Variants in UPF2 observed in about 807,000 individuals in gnomAD.
UPF2 encodes regulator of nonsense transcripts 2.
Under a neutral mutation model 141.4 loss-of-function variants are expected in UPF2, and 17 were observed. That is an observed-to-expected ratio of 0.12 (90% CI 0.08 to 0.18). UPF2 has a LOEUF of 0.18. UPF2 is among the 10% of genes least tolerant of loss of function. The probability of loss-of-function intolerance (pLI) is 1.00; values close to 1 mark genes in which losing one functional copy is unlikely to be tolerated. For synonymous variants in UPF2, 540 were observed against 498.0 expected (o/e 1.08, Z -1.12); for missense variants, 1,152 against 1,515.9 (o/e 0.76, Z 3.99).
chr10:11,957,227 G>A (rs1181307214), intron 12 of UPF2, among the ~76,000 whole-genome samples: 5 of 151,922 alleles, frequency 3.3e-5, no homozygotes, highest in African/African-American at 7.2e-5. Context: ...TCAGGAGTTC[G>A]AGACTAGCCT....
chr10:11,934,810 G>T (rs1222053773), intron 19 of UPF2, among the ~76,000 whole-genome samples: 1 of 152,090 alleles, frequency 6.6e-6, no homozygotes, highest in East Asian at 1.9e-4. Flanking sequence ...GGCTGGTCTT[G>T]AATCCCTGAC....
At chr10:11,984,885 G>A (rs1267360791) in intron 8 of UPF2, among the ~76,000 whole-genome samples, 1 of 152,120 alleles carries the variant, frequency 6.6e-6, no homozygotes, top group African/African-American at 2.4e-5. Context: ...GCTAATTTTT[G>A]TATTTTTAGT....
At chr10:12,021,799 T>C (rs1026429655) in intron 3 of UPF2, among the ~76,000 whole-genome samples, 4 of 152,206 alleles carry the variant, frequency 2.6e-5, no homozygotes, top group African/African-American at 9.6e-5. Context: ...CTGGGTTTTA[T>C]ATCTCCTCCA....
At position 11,935,773 on chromosome 10, in the gene UPF2, T is replaced by C. The variant is rs1156953242; in HGVS notation, c.3546+772A>G. Among the ~76,000 whole-genome samples the C allele has an allele frequency of 6.6e-6, 1 of 152,162 alleles. No homozygotes were observed. The highest frequency in any genetic ancestry group is 1.5e-5 in the Non-Finnish European group (1 of 68,030). ...TGTAGCCTCAGGACCTGAAATAGAA[T>C]AGTACCTGGCACGTAGTGATGCTCA... is the stretch of plus-strand genomic sequence containing the variant. On this transcript the variant is annotated intron_variant, in intron 19 of 21. Transcript: ENST00000357604. The surrounding 1 kb of genome is among the most constrained non-coding windows in gnomAD (Gnocchi z 4.9).
chr10:11,989,603 G>T (rs1176566658), intron 8 of UPF2, among the ~76,000 whole-genome samples: 2 of 152,150 alleles, frequency 1.3e-5, no homozygotes, highest in Non-Finnish European at 2.9e-5. Flanking sequence ...ATTAACACAA[G>T]TCTACTGACT....
At chr10:11,986,338 T>C (rs1226898347) in intron 8 of UPF2, among the ~76,000 whole-genome samples, 2 of 152,106 alleles carry the variant, frequency 1.3e-5, no homozygotes, top group Non-Finnish European at 1.5e-5. Flanking sequence ...AATCACACAT[T>C]TAAGTATCCT....
rs575461443 is a variant in UPF2, at chr10:11,922,873, CT to C, written c.3810-1567del. 4.2e-4 allele frequency among the ~76,000 whole-genome samples: 64 copies of C among 152,060 alleles called. No homozygotes were observed. In the East Asian group the frequency reaches 0.012, roughly 28 times the overall value. On this transcript the variant is annotated intron_variant, in intron 21 of 21. Coordinates refer to ENST00000357604, the MANE Select transcript of UPF2 (RefSeq NM_015542.4). ...GCAACATAGTGAGACCTCGACTCCA[CT>C]AAAAATAAAAAAAATTAGCCATTTG...
At chr10:11,924,739 G>A (rs1260521403) in intron 21 of UPF2, among the ~76,000 whole-genome samples, 1 of 152,072 alleles carries the variant, frequency 6.6e-6, no homozygotes, top group African/African-American at 2.4e-5. Flanking sequence ...ACAGGCGTGA[G>A]CCACTGCTCC....
chr10:12,001,927 G>T, intron 5 of UPF2, 102 bp from the exon 6 acceptor site: 1 of 1,068,442 alleles, frequency 9.4e-7, no homozygotes, highest in Non-Finnish European at 1.3e-6. Context: ...TCTTTTAGAA[G>T]CTGCATGTAT....
chr10:11,974,073 C>G (rs1034361378), intron 9 of UPF2, among the ~76,000 whole-genome samples: 20 of 152,206 alleles, frequency 1.3e-4, no homozygotes, highest in African/African-American at 3.1e-4. Context: ...GTGGTTTGTA[C>G]TTCTCCTTGA....
intron 18 of UPF2, among the ~76,000 whole-genome samples, chr10:11,938,865 T>TTTTTTG (rs1832894915): frequency 1.1e-5 from 1 of 87,402 alleles, no homozygotes; most frequent in African/African-American, 3.7e-5. Context: ...TTTTTTTTTT[T>TTTTTTG]TTTTTTTTTT....
chr10:12,033,602 A>G (rs1436175688), intron 2 of UPF2, among the ~76,000 whole-genome samples: 2 of 152,218 alleles, frequency 1.3e-5, no homozygotes, highest in Non-Finnish European at 2.9e-5. Context: ...GTTAAATTCT[A>G]CAAGCCTCAT....
chr10:11,926,272 C>A (rs1311198850), intron 21 of UPF2, among the ~76,000 whole-genome samples: 1 of 152,164 alleles, frequency 6.6e-6, no homozygotes, highest in Non-Finnish European at 1.5e-5. Flanking sequence ...GCACTGGAGA[C>A]CCTGGGGAAG....
At chr10:12,023,202 A>G (rs1834348325) in intron 3 of UPF2, among the ~76,000 whole-genome samples, 1 of 152,210 alleles carries the variant, frequency 6.6e-6, no homozygotes, top group Non-Finnish European at 1.5e-5. Flanking sequence ...GACCTCTATA[A>G]TATTTCAAAG....
At chr10:11,951,170 C>T (rs535540498) in intron 15 of UPF2, among the ~76,000 whole-genome samples, 3 of 152,148 alleles carry the variant, frequency 2.0e-5, no homozygotes, top group Admixed American at 6.5e-5. Flanking sequence ...TCAAGCGATT[C>T]TCCTGCCTCA....
At chr10:12,021,172 T>C (rs1834310986) in intron 3 of UPF2, among the ~76,000 whole-genome samples, 1 of 152,188 alleles carries the variant, frequency 6.6e-6, no homozygotes, top group Non-Finnish European at 1.5e-5. Flanking sequence ...AGCCCTTTAA[T>C]CCCTTTGTTT....
intron 11 of UPF2, among the ~76,000 whole-genome samples, chr10:11,963,796 T>C (rs1435765356): frequency 6.6e-6 from 1 of 152,206 alleles, no homozygotes; most frequent in East Asian, 1.9e-4. Context: ...AATTACCCCT[T>C]GCAATACTGT....
chr10:11,949,605 C>T (rs913564389), intron 15 of UPF2, among the ~76,000 whole-genome samples: 4 of 152,166 alleles, frequency 2.6e-5, no homozygotes, highest in Non-Finnish European at 1.5e-5. Flanking sequence ...AAACTTAAGA[C>T]AGCCCATATA....
chr10:11,986,701 A>G lies in UPF2; in HGVS notation c.1845-7536T>C, dbSNP rs115284866. Among the ~76,000 whole-genome samples the G allele has an allele frequency of 4.1e-3, 630 of 152,300 alleles. 5 individuals are homozygous for G. Among genetic ancestry groups the G allele is most frequent in the African/African-American group, 0.014 (593 of 41,552 alleles). On this transcript the variant is annotated intron_variant, in intron 8 of 21. Transcript: ENST00000357604. Reference sequence around the variant, plus strand: ...CCTAAAAAATGAAATATAATAAGCAAAAGACTGGGGTCATTTACTCTGAAA... The same window carrying G: ...CCTAAAAAATGAAATATAATAAGCAGAAGACTGGGGTCATTTACTCTGAAA...
Sources: gnomAD v4.1 joint callset for allele counts (sites outside exome capture counted in the v4.1 genomes callset) on GRCh38, gnomAD v4.1.1 for gene constraint, Gnocchi (gnomAD v3.1) non-coding constraint, MANE v1.5 for transcripts, NCBI Gene and HGNC (gene_info 2026-07-23, HGNC 2026-07-21) for gene names.